Variants in DMD observed in about 807,000 individuals in gnomAD.
The protein encoded by DMD is mutant dystrophin.
A neutral mutation model predicts 330.1 loss-of-function variants in DMD; 63 were observed. The observed-to-expected ratio is 0.19, with a 90% CI of 0.16 to 0.24. The LOEUF (loss-of-function observed/expected upper bound fraction) is 0.24. DMD is among the 10% of genes least tolerant of loss of function. The pLI is 1.00. For synonymous variants in DMD, 1,223 were observed against 959.8 expected (o/e 1.27, Z -5.07); for missense variants, 3,344 against 2,684.1 (o/e 1.25, Z -5.43).
intron 44 of DMD, among the ~76,000 whole-genome samples, chrX:32,203,350 C>T (rs755772536): frequency 8.9e-6 from 1 of 112,573 alleles, no homozygotes; most frequent in Non-Finnish European, 1.9e-5. Context: ...GCCTCCCTGA[C>T]TGAGGTAGGG....
At chrX:31,227,682 A>G (rs946717069) in intron 63 of DMD, among the ~76,000 whole-genome samples, 53 of 110,689 alleles carry the variant, frequency 4.8e-4, no homozygotes, top group African/African-American at 1.7e-3. Context: ...TCTGTAAATT[A>G]CCTTGGGCAG....
intron 44 of DMD, among the ~76,000 whole-genome samples, chrX:31,970,057 G>A (rs1020825949): frequency 1.8e-5 from 2 of 111,738 alleles, no homozygotes; most frequent in African/African-American, 3.3e-5. Context: ...AAGTAATCAC[G>A]GTTTATGCCA....
intron 55 of DMD, chrX:31,508,535 C>A (rs1045165205): frequency 1.1e-5 from 2 of 182,319 alleles, no homozygotes; most frequent in Non-Finnish European, 2.0e-5. Context: ...CCATTACAAG[C>A]CAGAGACATT....
At chrX:33,076,735 A>T (rs974644343) in intron 1 of DMD, among the ~76,000 whole-genome samples, 4 of 112,087 alleles carry the variant, frequency 3.6e-5, no homozygotes, top group Non-Finnish European at 7.5e-5. Flanking sequence ...AAGCTTTACT[A>T]GGTCAAAACT....
In DMD at chrX:33,139,884, A is replaced by AT. The variant is rs1247357076; in HGVS notation, c.31+71397_31+71398insA. Among the ~76,000 whole-genome samples the AT allele has an allele frequency of 3.1e-3, 290 of 94,013 alleles. 1 individual carries two copies. The highest frequency in any genetic ancestry group is 0.016 in the South Asian group (32 of 1,973). 81.6% of individuals were successfully genotyped at this position (94,013 alleles called of 115,157 possible). On this transcript the variant is annotated intron_variant, in intron 1 of 78. Coordinates refer to ENST00000357033, the MANE Select transcript of DMD (RefSeq NM_004006.3). Reference sequence around the variant, plus strand: ...CCCCATCGCTAAAAAAAAAAAAAAAAAAAAAAAAAAAATGTCTAATCAAAG... The same window carrying AT: ...CCCCATCGCTAAAAAAAAAAAAAAAATAAAAAAAAAAAATGTCTAATCAAAG...
At chrX:31,219,867 C>T (rs1462161023) in intron 64 of DMD, among the ~76,000 whole-genome samples, 1 of 107,689 alleles carries the variant, frequency 9.3e-6, no homozygotes, top group African/African-American at 3.5e-5. Flanking sequence ...CTTATATACA[C>T]ATATTGTGCC....
rs1421854333 is a variant in DMD, at chrX:32,816,602, T to C, written c.396A>G (p.Gln132=). The stretch of plus-strand genomic sequence containing the variant: ...GGAGAATCTTTTCACTGTTGGTTTG[T>C]TGCAATCCAGCCATGATATTTTTCA... ...NVMKNIMAGL[Q]QTNSEKILLS... Residue 132 remains glutamine (Q), a synonymous_variant, in exon 6 of 79, where the codon CAA becomes CAG. Coordinates refer to ENST00000357033, the MANE Select transcript of DMD (RefSeq NM_004006.3). 1.3e-5 allele frequency: 16 copies of C among 1,210,056 alleles called. No homozygotes were observed. Among genetic ancestry groups the C allele is most frequent in the South Asian group, 3.5e-5 (2 of 56,843 alleles).
chrX:31,140,516 A>G (rs1437570196), intron 76 of DMD, among the ~76,000 whole-genome samples: 2 of 111,780 alleles, frequency 1.8e-5, no homozygotes, highest in Non-Finnish European at 3.8e-5. Context: ...TGTATCCAAT[A>G]CCCAACATTT....
chrX:32,652,625 G>T (rs1425624780), intron 9 of DMD, among the ~76,000 whole-genome samples: 1 of 111,023 alleles, frequency 9.0e-6, no homozygotes, highest in African/African-American at 3.3e-5. Flanking sequence ...ATAGCAGCAT[G>T]ATTTTTAATC....
intron 55 of DMD, among the ~76,000 whole-genome samples, chrX:31,520,974 C>A (rs1208964074): frequency 9.0e-6 from 1 of 111,149 alleles, no homozygotes; most frequent in Non-Finnish European, 1.9e-5. Flanking sequence ...GCCACCGCGC[C>A]CGGCCGCAAT....
At chrX:31,148,374 C>A (rs1160809697) in intron 74 of DMD, among the ~76,000 whole-genome samples, 1 of 112,147 alleles carries the variant, frequency 8.9e-6, no homozygotes, top group Non-Finnish European at 1.9e-5. Context: ...TTCTCCAGGT[C>A]GATACATAAT....
chrX:31,474,331 A>T (rs1388576156), intron 59 of DMD, among the ~76,000 whole-genome samples: 1 of 111,330 alleles, frequency 9.0e-6, no homozygotes, highest in Non-Finnish European at 1.9e-5. Flanking sequence ...CAAGTTATTT[A>T]ACACATAAGA....
At chrX:31,893,400 G>A (rs927796090) in intron 47 of DMD, among the ~76,000 whole-genome samples, 2 of 111,519 alleles carry the variant, frequency 1.8e-5, no homozygotes, top group Non-Finnish European at 3.8e-5. Flanking sequence ...CCAAGGTTGT[G>A]CATGAAACCA....
chrX:32,851,304 G>A (rs1448629972), intron 2 of DMD, among the ~76,000 whole-genome samples: 1 of 112,057 alleles, frequency 8.9e-6, no homozygotes, highest in Non-Finnish European at 1.9e-5. Context: ...CAGTCCCTGT[G>A]TGCCCAGCTT....
intron 25 of DMD, among the ~76,000 whole-genome samples, chrX:32,455,169 G>A (rs925120591): frequency 2.7e-5 from 3 of 110,903 alleles, no homozygotes; most frequent in Non-Finnish European, 5.7e-5. Context: ...TAATTTTATT[G>A]GCATACATAG....
chrX:31,297,385 TTGTC>T (rs2054269672), intron 62 of DMD, among the ~76,000 whole-genome samples: 1 of 111,009 alleles, frequency 9.0e-6, no homozygotes, highest in Non-Finnish European at 1.9e-5. Context: ...TTTGTGTGGT[TTGTC>T]TGTCATATAA....
intron 44 of DMD, among the ~76,000 whole-genome samples, chrX:32,200,737 C>A (rs1032806943): frequency 2.7e-5 from 3 of 111,342 alleles, no homozygotes; most frequent in African/African-American, 9.8e-5. Flanking sequence ...GCATTTACTT[C>A]CTTTTTGGTT....
chrX:33,332,020 G>A (rs1356926810), intron 1 of DMD, among the ~76,000 whole-genome samples: 1 of 111,345 alleles, frequency 9.0e-6, no homozygotes, highest in East Asian at 2.8e-4. Flanking sequence ...TTATAAAAAA[G>A]GTTTTCTTTA....
chrX:31,324,280 T>C (rs2056620358), intron 61 of DMD, among the ~76,000 whole-genome samples: 1 of 111,191 alleles, frequency 9.0e-6, no homozygotes, highest in Admixed American at 9.6e-5. Flanking sequence ...CAGAGCGTAA[T>C]AAGACTTTTG....
Sources: gnomAD v4.1 joint callset for allele counts (sites outside exome capture counted in the v4.1 genomes callset) on GRCh38, gnomAD v4.1.1 for gene constraint, MANE v1.5 for transcripts, NCBI Gene and HGNC (gene_info 2026-07-23, HGNC 2026-07-21) for gene names.